KAT2B: variants seen among roughly 807,000 people sequenced by gnomAD.
KAT2B encodes the protein histone acetyltransferase KAT2B.
A neutral mutation model predicts 105.9 loss-of-function variants in KAT2B; 36 were observed. The observed-to-expected ratio is 0.34, with a 90% CI of 0.26 to 0.45. The LOEUF (loss-of-function observed/expected upper bound fraction) is 0.45. Ranked by LOEUF, KAT2B falls within the 20% of genes least tolerant of loss-of-function variation. The pLI is 1.00. For synonymous variants in KAT2B, 397 were observed against 377.9 expected (o/e 1.05, Z -0.59); for missense variants, 820 against 1,021.6 (o/e 0.80, Z 2.69).
intron 8 of KAT2B, among the ~76,000 whole-genome samples, chr3:20,121,745 T>G (rs1354612004): frequency 9.4e-6 from 1 of 106,236 alleles, no homozygotes; most frequent in Non-Finnish European, 2.1e-5. Context: ...TGTGTGTGTG[T>G]GTGTGTGTGT....
At chr3:20,141,851 G>T (rs142817239) in intron 13 of KAT2B, among the ~76,000 whole-genome samples, 64 of 148,184 alleles carry the variant, frequency 4.3e-4, no homozygotes, top group African/African-American at 1.5e-3. Context: ...GTCAGCCTAA[G>T]AGAGAATTCC....
At chr3:20,135,064 C>T (rs1699576985) in intron 11 of KAT2B, among the ~76,000 whole-genome samples, 1 of 152,182 alleles carries the variant, frequency 6.6e-6, no homozygotes, top group African/African-American at 2.4e-5. Context: ...TACCTCTATA[C>T]ACATGTGTTT....
intron 11 of KAT2B, among the ~76,000 whole-genome samples, chr3:20,130,706 AGACTT>A (rs1422578816): frequency 2.0e-5 from 3 of 152,194 alleles, no homozygotes; most frequent in Non-Finnish European, 4.4e-5. Context: ...AATTTTCTAA[AGACTT>A]GAAGGAAGGT....
intron 3 of KAT2B, among the ~76,000 whole-genome samples, chr3:20,098,140 G>T (rs1476673971): frequency 1.3e-5 from 2 of 151,668 alleles, no homozygotes; most frequent in Non-Finnish European, 2.9e-5. Flanking sequence ...TGAGGCAGGA[G>T]AATTGCTTGA....
chr3:20,122,786 A>C lies in KAT2B; in HGVS notation c.1395A>C (p.Ala465=). The part of the protein sequence containing the change: ...NEVMSTITDP[A]AMLGPETNFL... Reference sequence around the variant, plus strand: ...TTATGTCTACCATCACGGACCCTGCAGCAATGCTTGGACCAGAGGTCAGCA... The same window carrying C: ...TTATGTCTACCATCACGGACCCTGCCGCAATGCTTGGACCAGAGGTCAGCA... The change falls in exon 9 of 18, where the codon GCA becomes GCC. Residue 465 remains alanine, a synonymous_variant. Coordinates refer to ENST00000263754, the MANE Select transcript of KAT2B (RefSeq NM_003884.5). 6.2e-7 allele frequency: 1 copy of C among 1,613,622 alleles called. No homozygotes were observed.
At chr3:20,062,259 GATATATA>G (rs1698141940) in intron 1 of KAT2B, among the ~76,000 whole-genome samples, 1 of 74,412 alleles carries the variant, frequency 1.3e-5, no homozygotes, top group Non-Finnish European at 2.4e-5. Context: ...TATAAAATAT[GATATATA>G]ATATATAATA....
At chr3:20,079,370 A>C (rs1372120635) in intron 2 of KAT2B, among the ~76,000 whole-genome samples, 1 of 151,034 alleles carries the variant, frequency 6.6e-6, no homozygotes, top group Non-Finnish European at 1.5e-5. Flanking sequence ...ATGCCCGGCT[A>C]ATTTTTGTGT....
At chr3:20,095,577 G>A (rs1371158347) in intron 3 of KAT2B, among the ~76,000 whole-genome samples, 169 bp downstream of exon 3, 2 of 152,198 alleles carry the variant, frequency 1.3e-5, no homozygotes, top group East Asian at 3.8e-4. Context: ...GCCCACCATA[G>A]TTTGAACACA....
intron 1 of KAT2B, among the ~76,000 whole-genome samples, chr3:20,057,965 T>C (rs1698029470): frequency 6.6e-6 from 1 of 152,226 alleles, no homozygotes; most frequent in Non-Finnish European, 1.5e-5. Context: ...GAAGATTTTC[T>C]GTTGATTTGA....
intron 11 of KAT2B, among the ~76,000 whole-genome samples, chr3:20,131,380 C>T (rs1699508797): frequency 6.6e-6 from 1 of 152,004 alleles, no homozygotes; most frequent in Non-Finnish European, 1.5e-5. Context: ...AGACATCACA[C>T]TGCCCAAGAT....
chr3:20,148,036 AT>A (rs60728324), intron 15 of KAT2B, 37 bp downstream of exon 15: 54,915 of 1,116,852 alleles, frequency 0.049, no homozygotes, highest in South Asian at 0.074. Flanking sequence ...AATGGAAGTG[AT>A]TTTTTTTTTT....
In KAT2B at chr3:20,148,316, C is replaced by G. The variant is rs369891470; in HGVS notation, c.2220+10C>G. 2.0e-5 allele frequency: 32 copies of G among 1,612,802 alleles called. No individual in the cohort carries two copies. Among genetic ancestry groups the G allele is most frequent in the Middle Eastern group, 1.6e-4 (1 of 6,080 alleles). On this transcript the variant is annotated intron_variant, in intron 16 of 17. Coordinates refer to ENST00000263754, the MANE Select transcript of KAT2B (RefSeq NM_003884.5). Reference sequence around the variant, plus strand: ...CCTCCAGCAGGTGAAGGTGGGTGTCCTCTTTATTCACCTCATGCAAATATT... The same window carrying G: ...CCTCCAGCAGGTGAAGGTGGGTGTCGTCTTTATTCACCTCATGCAAATATT...
chr3:20,052,740 G>T (rs1404991312), intron 1 of KAT2B, among the ~76,000 whole-genome samples: 1 of 152,084 alleles, frequency 6.6e-6, no homozygotes. Flanking sequence ...GGCTGAGGTG[G>T]TCACATCACC....
At chr3:20,108,757 G>C (rs1699067194) in intron 5 of KAT2B, among the ~76,000 whole-genome samples, 1 of 152,204 alleles carries the variant, frequency 6.6e-6, no homozygotes, top group African/African-American at 2.4e-5. Flanking sequence ...TGGTGGGCGA[G>C]TGAGCATTAC....
chr3:20,093,348 G>A (rs981219017), intron 2 of KAT2B, among the ~76,000 whole-genome samples: 3 of 152,214 alleles, frequency 2.0e-5, no homozygotes, highest in African/African-American at 7.2e-5. Context: ...CATCTGAAGA[G>A]TGAGGAAATG....
intron 11 of KAT2B, among the ~76,000 whole-genome samples, chr3:20,131,280 G>A (rs376108250): frequency 1.4e-4 from 22 of 152,126 alleles, no homozygotes; most frequent in African/African-American, 5.3e-4. Flanking sequence ...CTCCCAAAGT[G>A]CTGGGATTAC....
At chr3:20,119,125 C>A (rs1699261771) in intron 7 of KAT2B, among the ~76,000 whole-genome samples, 1 of 151,924 alleles carries the variant, frequency 6.6e-6, no homozygotes, top group Admixed American at 6.6e-5. Flanking sequence ...GCAGTATTAC[C>A]ACCTTTCCTT....
rs1487211592 is a variant in KAT2B, at chr3:20,125,942, C to T, written c.1451C>T (p.Ala484Val). 5 of 1,613,784 alleles carry T rather than the reference C, an allele frequency of 3.1e-6. No homozygotes were observed. The highest frequency in any genetic ancestry group is 1.1e-5 in the South Asian group (1 of 91,070). ...TCAGCACACTCGGCCAGGGATGAGG[C>T]GGCAAGGTTGGAAGAGCGCAGGGGT... ...FLSAHSARDE[A>V]ARLEERRGVI... The change falls in exon 10 of 18, where the codon GCG (alanine) becomes GTG (valine). Residue 484 changes from alanine (A) to valine (V), a missense_variant. Ala to Val is a moderately conservative substitution (Grantham distance 64). Transcript: ENST00000263754.
chr3:20,140,052 G>C (rs1424705791), intron 12 of KAT2B, among the ~76,000 whole-genome samples, 169 bp from the exon 13 acceptor site: 1 of 152,040 alleles, frequency 6.6e-6, no homozygotes, highest in East Asian at 1.9e-4. Flanking sequence ...TTAGATTTCT[G>C]GTGTTTTTGA....
Sources: gnomAD v4.1 joint callset for allele counts (sites outside exome capture counted in the v4.1 genomes callset) on GRCh38, gnomAD v4.1.1 for gene constraint, MANE v1.5 for transcripts, NCBI Gene and HGNC (gene_info 2026-07-23, HGNC 2026-07-21) for gene names.